Variants in ANKRD12 observed in about 807,000 individuals in gnomAD.
ANKRD12 encodes the protein ankyrin repeat domain 12.
Under a neutral mutation model 183.4 loss-of-function variants are expected in ANKRD12, and 85 were observed. That is an observed-to-expected ratio of 0.46 (90% CI 0.39 to 0.56). ANKRD12 has a LOEUF of 0.56. ANKRD12 is among the 20% of genes least tolerant of loss of function. ANKRD12 has a pLI of 0.00. For missense variants in ANKRD12, 2,405 were observed against 2,357.1 expected, an observed-to-expected ratio of 1.02 and a Z score of -0.42; for synonymous variants, 914 against 800.2, an observed-to-expected ratio of 1.14 and a Z score of -2.40.
chr18:9,220,133 A>G (rs1002841941), intron 7 of ANKRD12, among the ~76,000 whole-genome samples: 2 of 152,200 alleles, frequency 1.3e-5, no homozygotes, highest in African/African-American at 4.8e-5. Context: ...ATTGTGAATC[A>G]TTCTTAAATA....
At chr18:9,157,583 G>GTATATATATATATATATATA (rs1184683418) in intron 1 of ANKRD12, among the ~76,000 whole-genome samples, 2 of 100,566 alleles carry the variant, frequency 2.0e-5, no homozygotes, top group East Asian at 2.4e-4. Context: ...GTGTGTGTGT[G>GTATATATATATATATATATA]TGTATATATA....
At chr18:9,223,222 C>T (rs961374356) in intron 8 of ANKRD12, among the ~76,000 whole-genome samples, 18 of 151,856 alleles carry the variant, frequency 1.2e-4, no homozygotes, top group African/African-American at 4.1e-4. Context: ...GAGTTCAAGA[C>T]CAGCCTGGCC....
intron 1 of ANKRD12, among the ~76,000 whole-genome samples, chr18:9,160,866 G>C (rs1275596689): frequency 6.6e-6 from 1 of 152,168 alleles, no homozygotes; most frequent in East Asian, 1.9e-4. Context: ...TTTAGATAGG[G>C]TTGAAATGAA....
In ANKRD12 at chr18:9,138,525, A is replaced by AAAAC. The variant is rs142186514; in HGVS notation, c.-52+1580_-52+1583dup. On this transcript the variant is annotated intron_variant, in intron 1 of 12. Coordinates refer to ENST00000262126, the MANE Select transcript of ANKRD12 (RefSeq NM_015208.5). ...CGAAACTCCGTCGCAAAAACATACC[A>AAAAC]AAACAAACAAACAAACAAACAAAAA... Among the ~76,000 whole-genome samples, 38 of 152,244 alleles carry AAAAC rather than the reference A, an allele frequency of 2.5e-4. 1 individual carries two copies. The highest frequency in any genetic ancestry group is 4.1e-4 in the African/African-American group (17 of 41,500).
rs779510190 is a variant in ANKRD12, at chr18:9,256,236, A to T, written c.2969A>T (p.Asn990Ile). 2 of 1,601,198 alleles carry T rather than the reference A, an allele frequency of 1.2e-6. No individual in the cohort carries two copies. Among genetic ancestry groups the T allele is most frequent in the South Asian group, 2.3e-5 (2 of 87,684 alleles). Reference sequence around the variant, plus strand: ...AAAAAATCAAGTATAGTAGACGGTAATAAAGCACAACATGAAAAACCCTTA... The same window carrying T: ...AAAAAATCAAGTATAGTAGACGGTATTAAAGCACAACATGAAAAACCCTTA... Reference protein sequence around the residue: ...EEKKSSIVDGNKAQHEKPLSL... With the variant: ...EEKKSSIVDGIKAQHEKPLSL... The change falls in exon 9 of 13, where the codon AAT (asparagine) becomes ATT (isoleucine). Residue 990 changes from asparagine to isoleucine, a missense_variant. Physicochemically the swap from Asn to Ile is moderately radical, Grantham distance 149 (BLOSUM62 -3). Around this residue, in one of 7 missense-constraint regions of ANKRD12, gnomAD observed 1,983 missense variants for 1,725.9 expected, o/e 1.15. Coordinates refer to ENST00000262126, the MANE Select transcript of ANKRD12 (RefSeq NM_015208.5).
In ANKRD12 at chr18:9,208,628, A is replaced by C. The variant is rs375331453; in HGVS notation, c.305-29A>C. The stretch of plus-strand genomic sequence containing the variant: ...CTTTTGAGTACTTGGATTTGTTTCA[A>C]ATTCTTACATATTTGTTAATAATTC... On this transcript the variant is annotated intron_variant, in intron 4 of 12. Transcript: ENST00000262126. 5 of 1,581,924 alleles carry C rather than the reference A, an allele frequency of 3.2e-6. No homozygotes were observed. In the African/African-American group the frequency reaches 6.9e-5, roughly 22 times the overall value.
chr18:9,150,578 T>G (rs954207316), intron 1 of ANKRD12, among the ~76,000 whole-genome samples: 17 of 152,212 alleles, frequency 1.1e-4, no homozygotes, highest in Admixed American at 2.6e-4. Context: ...ATGCCTGTAC[T>G]TTTTTCTTCA....
intron 8 of ANKRD12, among the ~76,000 whole-genome samples, chr18:9,244,579 G>A (rs930929959): frequency 1.3e-5 from 2 of 152,182 alleles, no homozygotes; most frequent in African/African-American, 4.8e-5. Context: ...TGTGAAGAGT[G>A]TTACCAAGAA....
intron 9 of ANKRD12, among the ~76,000 whole-genome samples, chr18:9,262,979 A>G (rs2039067986): frequency 6.6e-6 from 1 of 151,314 alleles, no homozygotes; most frequent in South Asian, 2.1e-4. Flanking sequence ...TTGTATTTTT[A>G]GTAGAGACAG....
intron 4 of ANKRD12, among the ~76,000 whole-genome samples, chr18:9,207,447 T>G (rs1261005559): frequency 6.6e-6 from 1 of 152,128 alleles, no homozygotes; most frequent in Non-Finnish European, 1.5e-5. Context: ...TTTTTAAAAT[T>G]AGGAGCTCTG....
At chr18:9,245,376 A>G (rs76040977) in intron 8 of ANKRD12, among the ~76,000 whole-genome samples, 200 of 152,166 alleles carry the variant, frequency 1.3e-3, no homozygotes, top group Non-Finnish European at 2.4e-3. Flanking sequence ...ACTTGAGCCC[A>G]GGAGGTTGAG....
At position 9,254,216 on chromosome 18, in the gene ANKRD12, G is replaced by A. The variant is rs781137647; in HGVS notation, c.949G>A (p.Glu317Lys). 6 of 1,521,856 alleles carry A rather than the reference G, an allele frequency of 3.9e-6. No homozygotes were observed. The highest frequency in any genetic ancestry group is 1.3e-5 in the South Asian group (1 of 76,868). 94.3% of individuals were successfully genotyped at this position (1,521,856 alleles called of 1,614,324 possible). A position where few individuals can be genotyped will look rare whatever the true frequency, so the allele number is the denominator to read the frequency against. Reference protein sequence around the residue: ...SDDDESYTDSEEAQSVNPSSV... With the variant: ...SDDDESYTDSKEAQSVNPSSV... ...TTTTCTTTTTTTTATTCTAGATTCC[G>A]AAGAGGCTCAATCTGTAAATCCTTC... The change falls in exon 9 of 13, where the codon GAA becomes AAA. Residue 317 changes from glutamate to lysine, a missense_variant. By Grantham distance (56) the Glu-to-Lys change is moderately conservative. This residue lies in a region of ANKRD12 where 1,983 missense variants were observed against 1,725.9 expected (regional missense o/e 1.15). Transcript: ENST00000262126.
In ANKRD12 at chr18:9,255,772, G is replaced by A. The variant is rs954247166; in HGVS notation, c.2505G>A (p.Lys835=). The A allele has an allele frequency of 7.6e-6, 12 of 1,578,182 alleles. No homozygotes were observed. In the African/African-American group the frequency reaches 1.4e-4, roughly 18 times the overall value. ...AAATTAAAGAAAAGGACATTGAGAA[G>A]ATGGAAAGAAAAACCTTTGAAAAAG... ...RSQIKEKDIE[K]MERKTFEKEK... Residue 835 remains lysine, a synonymous_variant, in exon 9 of 13, where the codon AAG becomes AAA. Transcript: ENST00000262126.
At chr18:9,187,366 T>C (rs534809917) in intron 2 of ANKRD12, among the ~76,000 whole-genome samples, 9 of 152,350 alleles carry the variant, frequency 5.9e-5, no homozygotes, top group Admixed American at 1.3e-4. Flanking sequence ...CTTGTGCCAC[T>C]GCGTTCCAGC....
chr18:9,173,312 C>T (rs113297405), intron 1 of ANKRD12, among the ~76,000 whole-genome samples: 13 of 152,092 alleles, frequency 8.5e-5, no homozygotes, highest in African/African-American at 1.7e-4. Context: ...TCAGGTGATC[C>T]GCCCTCCTCG....
chr18:9,196,953 A>C lies in ANKRD12; in HGVS notation c.235+1255A>C, dbSNP rs188486971. Among the ~76,000 whole-genome samples, 199 of 152,176 alleles carry C rather than the reference A, an allele frequency of 1.3e-3. 2 individuals are homozygous for C. Among genetic ancestry groups the C allele is most frequent in the African/African-American group, 4.2e-3 (175 of 41,516 alleles). ...CCTTTGGGATAGCTATTTCAGATTG[A>C]ACTCTTCTCGCATATTGTTAAAAGT... On this transcript the variant is annotated intron_variant, in intron 3 of 12. Transcript: ENST00000262126.
chr18:9,267,772 A>G (rs2039379249), intron 10 of ANKRD12, among the ~76,000 whole-genome samples: 1 of 152,146 alleles, frequency 6.6e-6, no homozygotes, highest in Non-Finnish European at 1.5e-5. Flanking sequence ...AACTAAGATC[A>G]GAGCAGAACT....
rs760121945 is a variant in ANKRD12 at position 9,153,773 on chromosome 18, AC to A, written c.-52+16809del. ...ACTTCTAGTTTCTGTATGTCTCTTA[AC>A]TTTTAATATTTTGTTTTTTTCTAAT... On this transcript the variant is annotated intron_variant, in intron 1 of 12. Transcript: ENST00000262126. Among the ~76,000 whole-genome samples, 7 of 151,994 alleles carry A rather than the reference AC, an allele frequency of 4.6e-5. No homozygotes were observed. The East Asian group carries it at 7.7e-4, about 17-fold the overall frequency.
intron 6 of ANKRD12, among the ~76,000 whole-genome samples, chr18:9,216,415 A>T (rs1158656245): frequency 6.6e-6 from 1 of 152,238 alleles, no homozygotes; most frequent in Non-Finnish European, 1.5e-5. Flanking sequence ...TACACAAAGT[A>T]TGTGTTAGTC....
Sources: gnomAD v4.1 joint callset for allele counts (sites outside exome capture counted in the v4.1 genomes callset) on GRCh38, gnomAD v4.1.1 for gene constraint, gnomAD v4.1.1 regional missense constraint, MANE v1.5 for transcripts, NCBI Gene and HGNC (gene_info 2026-07-23, HGNC 2026-07-21) for gene names.